The following HEATR9 variants were observed in gnomAD, a reference collection of about 807,000 sequenced individuals.
The protein encoded by HEATR9 is HEAT repeat containing 9, also known as protein HEATR9.
HEATR9 carries 54 observed loss-of-function variants against 68.2 expected under a neutral mutation model. The observed-to-expected ratio is 0.79, with a 90% CI of 0.64 to 0.99. The LOEUF is 0.99. Among genes scored for constraint, HEATR9 ranks in the 50% least tolerant of loss-of-function variants. The pLI, the probability that HEATR9 is intolerant of heterozygous loss-of-function variation, is 0.00. For synonymous variants in HEATR9, 241 were observed against 253.5 expected, an observed-to-expected ratio of 0.95 and a Z score of 0.47; for missense variants, 662 against 679.7, an observed-to-expected ratio of 0.97 and a Z score of 0.29.
chr17:35,861,679 C>A, intron 8 of HEATR9: 1 of 545,932 alleles, frequency 1.8e-6, no homozygotes, highest in South Asian at 2.1e-5. Flanking sequence ...AAGGCTAACC[C>A]ACTCACTTTC....
At chr17:35,861,543 G>A (rs2143930961) in intron 8 of HEATR9, 2 of 833,410 alleles carry the variant, frequency 2.4e-6, no homozygotes, top group East Asian at 2.4e-5. Flanking sequence ...GCCTCGAAGA[G>A]AAATAACACT....
intron 14 of HEATR9, 42 bp downstream of exon 14, chr17:35,855,622 G>T (rs768995996): frequency 1.9e-6 from 3 of 1,567,866 alleles, no homozygotes; most frequent in Admixed American, 3.3e-5. Flanking sequence ...CTTGAAGGAG[G>T]GCTAGAGAAG....
In HEATR9 at chr17:35,858,285, A is replaced by G. The variant is rs1159311456; in HGVS notation, c.1067T>C (p.Ile356Thr). ...RFEATQMLKTIGLEQIQAQGL... is the reference protein window; with the variant it reads ...RFEATQMLKTTGLEQIQAQGL... ...CTGTGCCTGGATCTGTTCCAGCCCA[A>G]TGGTCTTGAGCATTTGGGTGGCTTC... The change falls in exon 11 of 15, where the codon ATT (isoleucine) becomes ACT (threonine). Residue 356 changes from isoleucine (I) to threonine (T), a missense_variant. Physicochemically the swap from Ile to Thr is moderately conservative, Grantham distance 89. Transcript: ENST00000604834. The G allele has an allele frequency of 2.4e-5, 38 of 1,614,010 alleles. No homozygotes were observed. Among genetic ancestry groups the G allele is most frequent in the Non-Finnish European group, 3.1e-5 (36 of 1,180,018 alleles).
Position 35,863,508 on chromosome 17 carries a change from T to A in HEATR9, c.619A>T (p.Ile207Phe), listed in dbSNP as rs2088076856. ...VKYEAYRTLAILGCLNKHVIR... is the reference protein window; with the variant it reads ...VKYEAYRTLAFLGCLNKHVIR... Reference sequence around the variant, plus strand: ...AGGGAGAAGACATACTCACCCAGGATGGCCAGGGTTCGGTAGGCCTCGTAC... The same window carrying A: ...AGGGAGAAGACATACTCACCCAGGAAGGCCAGGGTTCGGTAGGCCTCGTAC... The change falls in exon 7 of 15, where the codon ATC becomes TTC. Residue 207 changes from isoleucine to phenylalanine, a missense_variant. By Grantham distance (21) the Ile-to-Phe change is conservative (BLOSUM62 0). Coordinates refer to ENST00000604834, the MANE Select transcript of HEATR9 (RefSeq NM_152781.4). 6.2e-7 allele frequency: 1 copy of A among 1,614,044 alleles called. No individual in the cohort carries two copies. The highest frequency in any genetic ancestry group is 1.7e-5 in the Admixed American group (1 of 60,004).
chr17:35,860,051 G>A (rs906659810), intron 8 of HEATR9, among the ~76,000 whole-genome samples: 1 of 152,050 alleles, frequency 6.6e-6, no homozygotes, highest in African/African-American at 2.4e-5. Context: ...GTCTCCACTT[G>A]TGTCTTAGAC....
At position 35,863,124 on chromosome 17, in the gene HEATR9, A is replaced by G; in HGVS notation, c.627T>C (p.Gly209=). 6.2e-7 allele frequency: 1 copy of G among 1,613,898 alleles called. No homozygotes were observed. The highest frequency in any genetic ancestry group is 8.5e-7 in the Non-Finnish European group (1 of 1,180,008). ...YEAYRTLAIL[G]CLNKHVIRAL... ...CCCGGATCACATGCTTATTCAGGCA[A>G]CCTGGACAGGGAGGGGCCTCAAGTC... is the stretch of plus-strand genomic sequence containing the variant. The change falls in exon 8 of 15, where the codon GGT becomes GGC. Residue 209 remains glycine (G), a splice_region_variant and synonymous_variant. Transcript: ENST00000604834.
chr17:35,856,856 C>T lies in HEATR9; in HGVS notation c.1153-51G>A, dbSNP rs748887328. 5.5e-6 allele frequency: 8 copies of T among 1,459,744 alleles called. No homozygotes were observed. The Admixed American group carries it at 1.5e-4, about 28-fold the overall frequency. The allele number at this position is 1,459,744 out of a possible 1,614,324, so 90.4% of individuals were successfully genotyped here. A position where few individuals can be genotyped will look rare whatever the true frequency, so the allele number is the denominator to read the frequency against. ...CAGAGAGAGGGAATGCAAGGGTGTA[C>T]ACTTAAGAGCCTCTCAAATCTTTAC... On this transcript the variant is annotated intron_variant, in intron 11 of 14. Coordinates refer to ENST00000604834, the MANE Select transcript of HEATR9 (RefSeq NM_152781.4).
chr17:35,863,859 C>G (rs9807028), intron 6 of HEATR9: 1 of 555,138 alleles, frequency 1.8e-6, no homozygotes, highest in Non-Finnish European at 3.2e-6. Flanking sequence ...ATACTAATTC[C>G]TGGTGTTGTT....
In HEATR9 at chr17:35,858,920, G is replaced by A. The variant is rs1490815108; in HGVS notation, c.907C>T (p.Leu303=). 1.2e-6 allele frequency: 2 copies of A among 1,614,076 alleles called. No individual in the cohort carries two copies. Among genetic ancestry groups the A allele is most frequent in the Non-Finnish European group, 1.7e-6 (2 of 1,180,028 alleles). Residue 303 remains leucine, a synonymous_variant, in exon 9 of 15, where the codon CTG becomes TTG. Coordinates refer to ENST00000604834, the MANE Select transcript of HEATR9 (RefSeq NM_152781.4). ...NMVQEFLLQC[L]CQGLKTQRMK... ...CGCTGGGTCTTGAGTCCTTGGCACA[G>A]GCACTGCAACAAGAACTCTTGGACC...
intron 6 of HEATR9, 167 bp downstream of exon 6, chr17:35,864,079 G>T (rs531872153): frequency 8.4e-6 from 5 of 598,718 alleles, no homozygotes; most frequent in Non-Finnish European, 1.5e-5. Context: ...GCTGCTCTTC[G>T]AAGAGGCCAA....
intron 11 of HEATR9, 26 bp from the exon 12 acceptor site, chr17:35,856,831 CAGAG>C: frequency 6.3e-7 from 1 of 1,579,680 alleles, no homozygotes; most frequent in African/African-American, 1.3e-5. Flanking sequence ...AATGAGTCAA[CAGAG>C]AGAGGGAATG....
chr17:35,855,871 C>T (rs2087753314), intron 13 of HEATR9, 121 bp from the exon 14 acceptor site: 1 of 830,952 alleles, frequency 1.2e-6, no homozygotes. Flanking sequence ...TAGGGTTTCC[C>T]AGCTGAGATA....
chr17:35,855,557 T>G, intron 14 of HEATR9, 107 bp downstream of exon 14: 1 of 1,301,582 alleles, frequency 7.7e-7, no homozygotes, highest in Non-Finnish European at 1.1e-6. Context: ...GTCTAAGGGC[T>G]CATGACCCTC....
intron 7 of HEATR9, among the ~76,000 whole-genome samples, 186 bp downstream of exon 7, chr17:35,863,316 T>G (rs1014530491): frequency 6.6e-6 from 1 of 152,190 alleles, no homozygotes; most frequent in Admixed American, 6.5e-5. Flanking sequence ...TCCCTCTCCC[T>G]CTTTCTAATC....
Position 35,858,961 on chromosome 17 carries a change from C to G in HEATR9, c.866G>C (p.Arg289Thr), listed in dbSNP as rs755826687. 6.2e-7 allele frequency: 1 copy of G among 1,614,180 alleles called. No homozygotes were observed. The highest frequency in any genetic ancestry group is 2.2e-5 in the East Asian group (1 of 44,874). ...LEAALCLGFL[R>T]PCSNMVQEFL... ...CTCTTGGACCATGTTGCTGCAAGGC[C>G]TCAGGAAACCCAGGCACAGGGCTGC... The change falls in exon 9 of 15, where the codon AGG becomes ACG. Residue 289 changes from arginine (R) to threonine (T), a missense_variant. Coordinates refer to ENST00000604834, the MANE Select transcript of HEATR9 (RefSeq NM_152781.4).
chr17:35,859,886 G>C (rs963800699), intron 8 of HEATR9, among the ~76,000 whole-genome samples: 1 of 152,158 alleles, frequency 6.6e-6, no homozygotes, highest in Non-Finnish European at 1.5e-5. Context: ...CTTGGCTAGT[G>C]ACCTTGCTTT....
chr17:35,855,525 AG>A, intron 14 of HEATR9, 115 bp from the exon 15 acceptor site: 1 of 1,310,510 alleles, frequency 7.6e-7, no homozygotes, highest in Non-Finnish European at 1.1e-6. Context: ...TGTGGCCCCA[AG>A]GAACAAGGTC....
chr17:35,857,877 A>T (rs1441733120), intron 11 of HEATR9, among the ~76,000 whole-genome samples: 1 of 152,214 alleles, frequency 6.6e-6, no homozygotes, highest in Non-Finnish European at 1.5e-5. Flanking sequence ...AAAGCTTCCC[A>T]TAGGAGGTAT....
chr17:35,859,705 TC>T (rs2087908971), intron 8 of HEATR9, among the ~76,000 whole-genome samples: 1 of 152,258 alleles, frequency 6.6e-6, no homozygotes, highest in East Asian at 1.9e-4. Context: ...TGCCAGCACT[TC>T]CTGGAGAAAA....
Sources: allele counts gnomAD v4.1 joint callset (sites outside exome capture counted in the v4.1 genomes callset), GRCh38; gene constraint gnomAD v4.1.1; transcripts MANE v1.5; gene names NCBI Gene and HGNC (gene_info 2026-07-23, HGNC 2026-07-21).